ZNF780B: variants seen among roughly 807,000 people sequenced by gnomAD.
ZNF780B encodes the protein zinc finger protein 780B, also known as zinc finger protein 779.
A neutral mutation model predicts 74.1 loss-of-function variants in ZNF780B; 52 were observed. The ratio of observed to expected loss-of-function variants is 0.70; its 90% CI spans 0.56 to 0.88. The LOEUF (loss-of-function observed/expected upper bound fraction) is 0.88, where lower values mean the gene tolerates loss of function less well. Ranked by LOEUF, ZNF780B falls within the 40% of genes least tolerant of loss-of-function variation. ZNF780B has a pLI of 0.00. For synonymous variants in ZNF780B, 315 were observed against 324.3 expected, an observed-to-expected ratio of 0.97 and a Z score of 0.31; for missense variants, 953 against 1,007.6, an observed-to-expected ratio of 0.95 and a Z score of 0.73.
intron 4 of ZNF780B, among the ~76,000 whole-genome samples, chr19:40,044,273 C>T (rs922421603): frequency 6.6e-6 from 1 of 152,154 alleles, no homozygotes; most frequent in African/African-American, 2.4e-5. Flanking sequence ...CATCTTGATA[C>T]AGGAAGCTCA....
Position 40,041,802 on chromosome 19 carries a change from C to G in ZNF780B, c.233-5176G>C, listed in dbSNP as rs145687523. On this transcript the variant is annotated intron_variant, in intron 4 of 4. Transcript: ENST00000434248. ...CTTTATTTTGAGCCTATGTGTGTCT[C>G]TGCATGTGAGGTGGGTTTCCTGAAT... is the stretch of plus-strand genomic sequence containing the variant. 6.1e-3 allele frequency among the ~76,000 whole-genome samples: 921 copies of G among 152,224 alleles called. 6 individuals are homozygous for G. Among genetic ancestry groups the G allele is most frequent in the African/African-American group, 0.021 (879 of 41,528 alleles).
chr19:40,049,827 G>C (rs188200872), intron 2 of ZNF780B, among the ~76,000 whole-genome samples: 1 of 152,256 alleles, frequency 6.6e-6, no homozygotes, highest in Admixed American at 6.5e-5. Flanking sequence ...GGAAAACAGA[G>C]GTACGAATAG....
In ZNF780B at chr19:40,035,863, G is replaced by A. The variant is rs763918403; in HGVS notation, c.996C>T (p.Pro332=). ...CCTTTCTGCATTCTTTACATTCAAA[G>A]GGTTTCTCGCCAGTATGAATTCGGC... is the stretch of plus-strand genomic sequence containing the variant. The part of the protein sequence containing the change: ...EHCRIHTGEK[P]FECKECRKAF... Residue 332 remains proline, a synonymous_variant, in exon 5 of 5, where the codon CCC becomes CCT. Transcript: ENST00000434248. 2.5e-6 allele frequency: 4 copies of A among 1,613,606 alleles called. No homozygotes were observed. The highest frequency in any genetic ancestry group is 3.4e-6 in the Non-Finnish European group (4 of 1,179,926).
chr19:40,055,416 C>A (rs1450504342), intron 1 of ZNF780B: 1 of 152,078 alleles, frequency 6.6e-6, no homozygotes, highest in Non-Finnish European at 1.5e-5. Flanking sequence ...ACAAACTCAC[C>A]CTTGACTTAA....
At chr19:40,051,970 G>A (rs1176997767) in intron 1 of ZNF780B, among the ~76,000 whole-genome samples, 1 of 152,096 alleles carries the variant, frequency 6.6e-6, no homozygotes. Context: ...ATTGTTCATA[G>A]CATGAATACT....
chr19:40,053,369 C>G (rs1973327287), intron 1 of ZNF780B, among the ~76,000 whole-genome samples: 1 of 152,086 alleles, frequency 6.6e-6, no homozygotes, highest in South Asian at 2.1e-4. Flanking sequence ...AAGATATCAC[C>G]TCATATGTGT....
At chr19:40,037,997 T>C (rs983393913) in intron 4 of ZNF780B, among the ~76,000 whole-genome samples, 1 of 151,944 alleles carries the variant, frequency 6.6e-6, no homozygotes, top group African/African-American at 2.4e-5. Flanking sequence ...TGTGCCATGT[T>C]GGTGTGCTGC....
At chr19:40,048,316 AAAAC>A (rs937210202) in intron 3 of ZNF780B, among the ~76,000 whole-genome samples, 3 of 152,236 alleles carry the variant, frequency 2.0e-5, no homozygotes, top group South Asian at 4.1e-4. Flanking sequence ...CAGAAAAACA[AAAAC>A]AAACAAAGAA....
In ZNF780B at chr19:40,036,281, T is replaced by C; in HGVS notation, c.578A>G (p.Tyr193Cys). 6.2e-7 allele frequency: 1 copy of C among 1,613,214 alleles called. No homozygotes were observed. The highest frequency in any genetic ancestry group is 2.2e-5 in the East Asian group (1 of 44,858). ...HQSIHTGEKP[Y>C]KCKECGKAFQ... Reference sequence around the variant, plus strand: ...GGCTTTCCCACATTCTTTGCATTTATAGGGTTTCTCTCCAGTATGAATACT... The same window carrying C: ...GGCTTTCCCACATTCTTTGCATTTACAGGGTTTCTCTCCAGTATGAATACT... Residue 193 changes from tyrosine to cysteine, a missense_variant, in exon 5 of 5, where the codon TAT (tyrosine) becomes TGT (cysteine). Coordinates refer to ENST00000434248, the MANE Select transcript of ZNF780B (RefSeq NM_001005851.3).
At chr19:40,037,725 C>T (rs983305623) in intron 4 of ZNF780B, among the ~76,000 whole-genome samples, 1 of 152,144 alleles carries the variant, frequency 6.6e-6, no homozygotes, top group Admixed American at 6.5e-5. Flanking sequence ...CCTATCAGGG[C>T]ACTGTCCTCC....
At chr19:40,049,258 A>G (rs894155185) in intron 2 of ZNF780B, among the ~76,000 whole-genome samples, 3 of 146,648 alleles carry the variant, frequency 2.0e-5, no homozygotes, top group Non-Finnish European at 4.4e-5. Flanking sequence ...AAAAAAAAAA[A>G]AGGTGGCAGC....
chr19:40,031,254 C>A lies in ZNF780B; in HGVS notation c.*3103G>T, dbSNP rs751067873. ...GGGGTTTTTTTGAGATGAAGTCTCA[C>A]TTTGTCGCCCAGGCTGGAGTGCAGT... On this transcript the variant is annotated 3_prime_UTR_variant, in exon 5 of 5. Coordinates refer to ENST00000434248, the MANE Select transcript of ZNF780B (RefSeq NM_001005851.3). The A allele has an allele frequency of 1.3e-5, 2 of 152,218 alleles. No individual in the cohort carries two copies. The highest frequency in any genetic ancestry group is 4.8e-5 in the African/African-American group (2 of 41,458). 9.4% of individuals were successfully genotyped at this position (152,218 alleles called of 1,614,324 possible). A position where few individuals can be genotyped will look rare whatever the true frequency, so the allele number is the denominator to read the frequency against.
intron 3 of ZNF780B, among the ~76,000 whole-genome samples, chr19:40,047,904 C>T (rs1292954836): frequency 6.6e-6 from 1 of 152,194 alleles, no homozygotes; most frequent in Non-Finnish European, 1.5e-5. Context: ...AACTCTCACT[C>T]ATACGTAGTA....
At position 40,036,067 on chromosome 19, in the gene ZNF780B, A is replaced by C. The variant is rs1465971168; in HGVS notation, c.792T>G (p.Leu264=). 2 of 1,613,418 alleles carry C rather than the reference A, an allele frequency of 1.2e-6. No homozygotes were observed. Among genetic ancestry groups the C allele is most frequent in the Non-Finnish European group, 1.7e-6 (2 of 1,179,718 alleles). ...CAGCATGAATACTTTGATGCTGAGT[A>C]AGGTTTGAGCTACGATTAAAAGACT... ...CGKSFNRSSN[L]TQHQSIHAGV... Residue 264 remains leucine, a synonymous_variant, in exon 5 of 5, where the codon CTT becomes CTG. Coordinates refer to ENST00000434248, the MANE Select transcript of ZNF780B (RefSeq NM_001005851.3).
In ZNF780B at chr19:40,047,368, C is replaced by T; in HGVS notation, c.232+7G>A. The T allele has an allele frequency of 6.2e-7, 1 of 1,610,576 alleles. No individual in the cohort carries two copies. Among genetic ancestry groups the T allele is most frequent in the Non-Finnish European group, 8.5e-7 (1 of 1,176,950 alleles). On this transcript the variant is annotated splice_region_variant and intron_variant, in intron 4 of 4. Transcript: ENST00000434248. ...GGCTTCCCCCTGCCTGCTTTACTCTCACTTACCTGGATACCATCTGCTTGT... is the reference window on the plus strand; with the variant it reads ...GGCTTCCCCCTGCCTGCTTTACTCTTACTTACCTGGATACCATCTGCTTGT...
intron 1 of ZNF780B, chr19:40,055,724 T>C (rs1217586424): frequency 6.6e-6 from 1 of 152,254 alleles, no homozygotes; most frequent in Non-Finnish European, 1.5e-5. Context: ...CCAGCTCTCA[T>C]ATTCCCACCC....
At position 40,035,533 on chromosome 19, in the gene ZNF780B, CT is replaced by C. The variant is rs1486897051; in HGVS notation, c.1325del (p.Glu442GlyfsTer44). On this transcript the variant is annotated frameshift_variant, in exon 5 of 5. Transcript: ENST00000434248. LOFTEE classifies it high-confidence loss of function. ...LIQHQKIHSN[E>X]KPFVCRECEM... is the part of the protein sequence containing the mutation. ...CACATTCCCTACATACAAAGGGTTT[CT>C]CATTGGAATGAATTTTTTGATGCTG... is the stretch of plus-strand genomic sequence containing the variant. 1 of 1,613,668 alleles carries C rather than the reference CT, an allele frequency of 6.2e-7. No individual in the cohort carries two copies. Among genetic ancestry groups the C allele is most frequent in the Non-Finnish European group, 8.5e-7 (1 of 1,179,914 alleles).
Position 40,036,607 on chromosome 19 carries a change from T to C in ZNF780B, c.252A>G (p.Gly84=), listed in dbSNP as rs1425858700. 5 of 1,541,624 alleles carry C rather than the reference T, an allele frequency of 3.2e-6. No individual in the cohort carries two copies. In the African/African-American group the frequency reaches 5.6e-5, roughly 17 times the overall value. The change falls in exon 5 of 5, where the codon GGA becomes GGG. Residue 84 remains glycine, a synonymous_variant. Transcript: ENST00000434248. ...RWYPDLESKY[G]PEKISPENDI... ...CATTTTCTGGAGATATTTTCTCAGG[T>C]CCATATTTTGACTCCAAATCTGAAA...
Position 40,029,758 on chromosome 19 carries a change from C to T in ZNF780B, c.*4599G>A, listed in dbSNP as rs1373950689. 1 of 151,956 alleles carries T rather than the reference C, an allele frequency of 6.6e-6. No individual in the cohort carries two copies. Among genetic ancestry groups the T allele is most frequent in the Non-Finnish European group, 1.5e-5 (1 of 68,008 alleles). The allele number at this position is 151,956 out of a possible 1,614,324, so 9.4% of individuals were successfully genotyped here. A position where few individuals can be genotyped will look rare whatever the true frequency, so the allele number is the denominator to read the frequency against. On this transcript the variant is annotated 3_prime_UTR_variant, in exon 5 of 5. Coordinates refer to ENST00000434248, the MANE Select transcript of ZNF780B (RefSeq NM_001005851.3). Reference sequence around the variant, plus strand: ...TGATTCCATGACTCAGGACAAGAGGCATGGGGGACATGAACCAACAAACAG... The same window carrying T: ...TGATTCCATGACTCAGGACAAGAGGTATGGGGGACATGAACCAACAAACAG...
Sources: gnomAD v4.1 joint callset for allele counts (sites outside exome capture counted in the v4.1 genomes callset) on GRCh38, gnomAD v4.1.1 for gene constraint, MANE v1.5 for transcripts, NCBI Gene and HGNC (gene_info 2026-07-23, HGNC 2026-07-21) for gene names.